LRCH4: variants seen among roughly 807,000 people sequenced by gnomAD.
LRCH4 encodes leucine rich repeats and calponin homology domain containing 4, also known as leucine-rich repeat and calponin homology domain-containing protein 4.
LRCH4 carries 56 observed loss-of-function variants against 81.2 expected under a neutral mutation model. The observed-to-expected ratio is 0.69, with a 90% confidence interval of 0.56 to 0.86. LRCH4 has a LOEUF of 0.86. Among genes scored for constraint, LRCH4 ranks in the 40% least tolerant of loss-of-function variants. LRCH4 has a pLI of 0.00. For missense variants in LRCH4, 895 were observed against 922.8 expected, an observed-to-expected ratio of 0.97 and a Z score of 0.39; for synonymous variants, 442 against 409.7, an observed-to-expected ratio of 1.08 and a Z score of -0.95.
Position 100,577,568 on chromosome 7 carries a change from G to C in LRCH4, c.1117-10C>G, listed in dbSNP as rs1182323851. The C allele has an allele frequency of 1.2e-6, 2 of 1,611,068 alleles. No homozygotes were observed. Among genetic ancestry groups the C allele is most frequent in the Admixed American group, 1.7e-5 (1 of 60,002 alleles). On this transcript the variant is annotated splice_polypyrimidine_tract_variant and intron_variant, in intron 9 of 17. Coordinates refer to ENST00000310300, the MANE Select transcript of LRCH4 (RefSeq NM_002319.5). The surrounding 1 kb of genome is among the most constrained non-coding windows in gnomAD (Gnocchi z 6.7). The stretch of plus-strand genomic sequence containing the variant: ...CGGGTGGTCGCTGCTCCTAAGGAGA[G>C]AACAGCAGAGCAGCTGAGGGCAGGC...
rs144925164 is a variant in LRCH4 at position 100,581,830 on chromosome 7, G to A, written c.545C>T (p.Ser182Phe). Residue 182 changes from serine to phenylalanine, a missense_variant, in exon 4 of 18, where the codon TCT becomes TTT. Around this residue, in one of 3 missense-constraint regions of LRCH4, gnomAD observed 360 missense variants for 397.0 expected, o/e 0.91. Coordinates refer to ENST00000310300, the MANE Select transcript of LRCH4 (RefSeq NM_002319.5). ...CCGGACATTGAGGTCCCGCAGGGAA[G>A]AGAGGCCACACAGTTCCGAGGGCAG... ...QSLPSELCGLSSLRDLNVRRN... is the reference protein window; with the variant it reads ...QSLPSELCGLFSLRDLNVRRN... 3 of 1,614,202 alleles carry A rather than the reference G, an allele frequency of 1.9e-6. No individual in the cohort carries two copies. Among genetic ancestry groups the A allele is most frequent in the Non-Finnish European group, 2.5e-6 (3 of 1,180,024 alleles).
chr7:100,578,145 C>T lies in LRCH4; in HGVS notation c.948+14G>A, dbSNP rs760575428. ...GCTGACACCCTCAATCACCCATGGA[C>T]AGGACGCCCTTACCTCATTTCCAGA... On this transcript the variant is annotated intron_variant, in intron 7 of 17. Coordinates refer to ENST00000310300, the MANE Select transcript of LRCH4 (RefSeq NM_002319.5). This position sits in a 1 kb window ranked among gnomAD's most constrained non-coding sequence, Gnocchi z 5.7. 5 of 1,613,394 alleles carry T rather than the reference C, an allele frequency of 3.1e-6. No individual in the cohort carries two copies. The highest frequency in any genetic ancestry group is 4.2e-6 in the Non-Finnish European group (5 of 1,179,318).
At chr7:100,581,750 T>C (rs202001985) in intron 4 of LRCH4, 27 bp downstream of exon 4, 7 of 1,607,348 alleles carry the variant, frequency 4.4e-6, no homozygotes, top group Non-Finnish European at 5.1e-6. Flanking sequence ...TACAAACACC[T>C]CCTCTCCAGT....
intron 4 of LRCH4, chr7:100,580,064 T>G (rs1214917482): frequency 6.6e-6 from 1 of 152,186 alleles, no homozygotes; most frequent in African/African-American, 2.4e-5. Flanking sequence ...CAAAACCAAG[T>G]TCACACTTGA....
intron 4 of LRCH4, chr7:100,579,323 C>T (rs1309571504): frequency 6.5e-6 from 1 of 154,832 alleles, no homozygotes; most frequent in Non-Finnish European, 1.4e-5. Flanking sequence ...CTGGGACCGG[C>T]ACGGTGGCTC....
chr7:100,579,437 A>G (rs1000004142), intron 4 of LRCH4: 1 of 152,150 alleles, frequency 6.6e-6, no homozygotes, highest in Non-Finnish European at 1.5e-5. Context: ...CTTTACTAAA[A>G]ATACAAAAAA....
chr7:100,576,026 A>C lies in LRCH4; in HGVS notation c.1639-18T>G. On this transcript the variant is annotated intron_variant, in intron 15 of 17. Coordinates refer to ENST00000310300, the MANE Select transcript of LRCH4 (RefSeq NM_002319.5). The stretch of plus-strand genomic sequence containing the variant: ...TCAAGGACCTGGCAGTGTAGACCAC[A>C]TAGAGCAGGGGTCAGGGAAGGAGAG... 6.3e-7 allele frequency: 1 copy of C among 1,596,358 alleles called. No individual in the cohort carries two copies. Among genetic ancestry groups the C allele is most frequent in the Non-Finnish European group, 8.5e-7 (1 of 1,175,700 alleles).
In LRCH4 at chr7:100,575,834, C is replaced by T. The variant is rs779835572; in HGVS notation, c.1776+37G>A. ...GGTAAGGGAGAGGCCACAGGCGCCC[C>T]GGCCCATCCCCCACCTCTTCCCCAG... On this transcript the variant is annotated intron_variant, in intron 16 of 17. Coordinates refer to ENST00000310300, the MANE Select transcript of LRCH4 (RefSeq NM_002319.5). This position sits in a 1 kb window ranked among gnomAD's most constrained non-coding sequence, Gnocchi z 5.3. The T allele has an allele frequency of 2.0e-5, 32 of 1,608,864 alleles. No individual in the cohort carries two copies. The highest frequency in any genetic ancestry group is 3.3e-5 in the Admixed American group (2 of 59,748).
At chr7:100,581,982 C>T in intron 3 of LRCH4, 59 bp downstream of exon 3, 1 of 1,602,312 alleles carries the variant, frequency 6.2e-7, no homozygotes, top group South Asian at 1.1e-5. Flanking sequence ...CAACCTCCCC[C>T]TAGAAGGTCC....
Position 100,574,647 on chromosome 7 carries a change from C to CACACACACACACACACAG in LRCH4, c.*459_*460insCTGTGTGTGTGTGTGTGT, listed in dbSNP as rs1801282220. 1.2e-5 allele frequency: 2 copies of CACACACACACACACACAG among 160,228 alleles called. No homozygotes were observed. The highest frequency in any genetic ancestry group is 2.4e-5 in the African/African-American group (1 of 41,544). The allele number at this position is 160,228 out of a possible 1,614,324, so 9.9% of individuals were successfully genotyped here. Reference sequence around the variant, plus strand: ...GCGCGCGCGCGCACACACACACACACAGGCAGGGCGGCCACGGTCTGTACA... The same window carrying CACACACACACACACACAG: ...GCGCGCGCGCGCACACACACACACACACACACACACACACACAGAGGCAGGGCGGCCACGGTCTGTACA... On this transcript the variant is annotated 3_prime_UTR_variant, in exon 18 of 18. Coordinates refer to ENST00000310300, the MANE Select transcript of LRCH4 (RefSeq NM_002319.5).
intron 4 of LRCH4, chr7:100,579,135 A>C: frequency 3.2e-6 from 1 of 311,166 alleles, no homozygotes; most frequent in Non-Finnish European, 6.1e-6. Context: ...TGATCAGCAC[A>C]AGGCACAAAC....
At chr7:100,581,742 C>G in intron 4 of LRCH4, 35 bp downstream of exon 4, 1 of 1,600,382 alleles carries the variant, frequency 6.2e-7, no homozygotes, top group Non-Finnish European at 8.6e-7. Context: ...GACGCACATA[C>G]AAACACCTCC....
At chr7:100,580,404 TCACACA>T (rs60848197) in intron 4 of LRCH4, 17,805 of 137,780 alleles carry the variant, frequency 0.13, 1,166 homozygotes, top group Non-Finnish European at 0.16. Context: ...CATACACACA[TCACACA>T]CACACACACA....
rs1300765094 is a variant in LRCH4, at chr7:100,574,920, G to A, written c.*187C>T. On this transcript the variant is annotated 3_prime_UTR_variant, in exon 18 of 18. Transcript: ENST00000310300. ...GTGGGGACTCGTGGGGCTACTGGAG[G>A]GAGGCCAGAGGCTGGGGGCCCAGGG... is the stretch of plus-strand genomic sequence containing the variant. 4 of 584,542 alleles carry A rather than the reference G, an allele frequency of 6.8e-6. No homozygotes were observed. Among genetic ancestry groups the A allele is most frequent in the Non-Finnish European group, 9.0e-6 (3 of 331,606 alleles). The allele number at this position is 584,542 out of a possible 1,614,324, so 36.2% of individuals were successfully genotyped here.
chr7:100,574,824 CCACCCCT>C lies in LRCH4; in HGVS notation c.*276_*282del. 1 of 362,702 alleles carries C rather than the reference CCACCCCT, an allele frequency of 2.8e-6. No homozygotes were observed. Among genetic ancestry groups the C allele is most frequent in the Non-Finnish European group, 5.0e-6 (1 of 198,820 alleles). The allele number at this position is 362,702 out of a possible 1,614,324, so 22.5% of individuals were successfully genotyped here. ...AGGAAGGGGGAGACTCCAGCTCCTG[CCACCCCT>C]CACGGGGTACAGAGGGCAGGGGCAG... On this transcript the variant is annotated 3_prime_UTR_variant, in exon 18 of 18. Transcript: ENST00000310300.
Position 100,583,186 on chromosome 7 carries a change from C to T in LRCH4, c.221-727G>A, listed in dbSNP as rs1801614996. Among the ~76,000 whole-genome samples the T allele has an allele frequency of 6.6e-6, 1 of 152,176 alleles. No individual in the cohort carries two copies. Among genetic ancestry groups the T allele is most frequent in the African/African-American group, 2.4e-5 (1 of 41,444 alleles). ...GCCCAGGGCAGGCATCCTTCCTACC[C>T]TCTGCTAGCCCTAGCAGCCCGGCTC... On this transcript the variant is annotated intron_variant, in intron 1 of 17. Coordinates refer to ENST00000310300, the MANE Select transcript of LRCH4 (RefSeq NM_002319.5). This position sits in a 1 kb window ranked among gnomAD's most constrained non-coding sequence, Gnocchi z 4.3.
At position 100,578,641 on chromosome 7, in the gene LRCH4, C is replaced by T; in HGVS notation, c.735+9G>A. The T allele has an allele frequency of 4.3e-6, 7 of 1,612,210 alleles. No homozygotes were observed. The highest frequency in any genetic ancestry group is 2.2e-5 in the East Asian group (1 of 44,862). ...CCTGTCCTCGTGGCCCCCCAGGCAC[C>T]CGCCTCACCTGGGCAGGTGGACTCT... On this transcript the variant is annotated intron_variant, in intron 5 of 17. Coordinates refer to ENST00000310300, the MANE Select transcript of LRCH4 (RefSeq NM_002319.5). This position sits in a 1 kb window ranked among gnomAD's most constrained non-coding sequence, Gnocchi z 5.7.
In LRCH4 at chr7:100,575,911, G is replaced by A. The variant is rs746804965; in HGVS notation, c.1736C>T (p.Pro579Leu). The change falls in exon 16 of 18, where the codon CCG becomes CTG. Residue 579 changes from proline (P) to leucine (L), a missense_variant. Coordinates refer to ENST00000310300, the MANE Select transcript of LRCH4 (RefSeq NM_002319.5). This position sits in a 1 kb window ranked among gnomAD's most constrained non-coding sequence, Gnocchi z 5.3. ...ILCQLANQLRPRSVPFIHVPS... is the reference protein window; with the variant it reads ...ILCQLANQLRLRSVPFIHVPS... ...CACATGGATGAAGGGCACGGAGCGC[G>A]GCCGTAGCTGGTTGGCCAGCTGGCA... The A allele has an allele frequency of 7.5e-5, 121 of 1,612,480 alleles. No homozygotes were observed. The highest frequency in any genetic ancestry group is 9.4e-5 in the Non-Finnish European group (111 of 1,179,422).
chr7:100,584,172 TTGGAGGGCGAGGAGAGA>T, intron 1 of LRCH4: 1 of 456,480 alleles, frequency 2.2e-6, no homozygotes, highest in Non-Finnish European at 4.4e-6. Flanking sequence ...TTTCGTCTGC[TTGGAGGGCGAGGAGAGA>T]TGGAGGGCAG....
Sources: gnomAD v4.1 joint callset for allele counts (sites outside exome capture counted in the v4.1 genomes callset) on GRCh38, gnomAD v4.1.1 for gene constraint, gnomAD v4.1.1 regional missense constraint, Gnocchi (gnomAD v3.1) non-coding constraint, MANE v1.5 for transcripts, NCBI Gene and HGNC (gene_info 2026-07-23, HGNC 2026-07-21) for gene names.